Variants in RMND1 observed in about 807,000 individuals in gnomAD.
RMND1 encodes required for meiotic nuclear division 1 homolog, also known as required for meiotic nuclear division protein 1 homolog.
In RMND1, 41 loss-of-function variants were observed where a neutral mutation model predicts 54.0. The ratio of observed to expected loss-of-function variants is 0.76; its 90% CI spans 0.59 to 0.98. The LOEUF (loss-of-function observed/expected upper bound fraction) is 0.98. Ranked by LOEUF, RMND1 falls within the 50% of genes least tolerant of loss-of-function variation. RMND1 has a pLI of 0.00. For synonymous variants in RMND1, 183 were observed against 181.7 expected, an observed-to-expected ratio of 1.01 and a Z score of -0.06; for missense variants, 457 against 532.0, an observed-to-expected ratio of 0.86 and a Z score of 1.39.
chr6:151,436,767 C>T, intron 2 of RMND1: 1 of 437,540 alleles, frequency 2.3e-6, no homozygotes, highest in Non-Finnish European at 4.1e-6. Flanking sequence ...GAACTTGCTC[C>T]CTCCCGCCAG....
rs189450854 is a variant in RMND1, at chr6:151,406,731, A to G, written c.1201-895T>C. On this transcript the variant is annotated intron_variant, in intron 10 of 11. Coordinates refer to ENST00000444024, the MANE Select transcript of RMND1 (RefSeq NM_017909.4). Reference sequence around the variant, plus strand: ...GAAATCCTGAAAGCAAAATTTTAAAACAGTTTGTCTCATGGGTATGCTGAA... The same window carrying G: ...GAAATCCTGAAAGCAAAATTTTAAAGCAGTTTGTCTCATGGGTATGCTGAA... 3.3e-4 allele frequency among the ~76,000 whole-genome samples: 51 copies of G among 152,280 alleles called. 1 individual carries two copies. The highest frequency in any genetic ancestry group is 7.2e-4 in the Non-Finnish European group (49 of 68,022).
At chr6:151,436,261 G>C in intron 3 of RMND1, 185 bp downstream of exon 3, 1 of 615,070 alleles carries the variant, frequency 1.6e-6, no homozygotes, top group Non-Finnish European at 2.7e-6. Context: ...ATTTTAATGA[G>C]TTCTCTGTAA....
chr6:151,422,118 C>A (rs558229112), intron 8 of RMND1, among the ~76,000 whole-genome samples: 47 of 152,258 alleles, frequency 3.1e-4, no homozygotes, highest in African/African-American at 1.1e-3. Flanking sequence ...TGTTGTTGTA[C>A]TCCTAAACAA....
intron 6 of RMND1, among the ~76,000 whole-genome samples, chr6:151,424,890 G>GAGAGGCA (rs1359546317): frequency 7.1e-6 from 1 of 141,196 alleles, no homozygotes; most frequent in African/African-American, 2.7e-5. Context: ...GATGGAGGGC[G>GAGAGGCA]GCATCTGCTA....
intron 1 of RMND1, among the ~76,000 whole-genome samples, chr6:151,447,907 C>A (rs945003301): frequency 1.3e-5 from 2 of 150,718 alleles, no homozygotes; most frequent in Non-Finnish European, 3.0e-5. Flanking sequence ...TCCGCCTCCC[C>A]GGTTCAAGCG....
chr6:151,405,668 G>T, intron 11 of RMND1, 52 bp downstream of exon 11: 2 of 891,112 alleles, frequency 2.2e-6, no homozygotes, highest in Non-Finnish European at 3.7e-6. Flanking sequence ...CATAGCCCCT[G>T]TATTTGTGAA....
chr6:151,443,138 C>T (rs763217199), intron 2 of RMND1, among the ~76,000 whole-genome samples: 1 of 152,126 alleles, frequency 6.6e-6, no homozygotes, highest in Non-Finnish European at 1.5e-5. Context: ...GGGTTTACCA[C>T]TATGATGGCC....
chr6:151,415,948 T>C (rs1470378956), intron 10 of RMND1, among the ~76,000 whole-genome samples: 1 of 151,900 alleles, frequency 6.6e-6, no homozygotes, highest in East Asian at 1.9e-4. Context: ...CAGGGTAGCA[T>C]GAGGAAAAGT....
intron 7 of RMND1, among the ~76,000 whole-genome samples, chr6:151,423,256 A>C (rs1780204711): frequency 6.6e-6 from 1 of 152,186 alleles, no homozygotes; most frequent in Non-Finnish European, 1.5e-5. Context: ...CATAGAGAGA[A>C]GAGAAAAAAA....
intron 3 of RMND1, 147 bp downstream of exon 3, chr6:151,436,299 C>T: frequency 3.7e-6 from 3 of 810,930 alleles, no homozygotes; most frequent in Non-Finnish European, 5.7e-6. Context: ...ACTTTGTCAT[C>T]TTTATAAAGA....
intron 2 of RMND1, among the ~76,000 whole-genome samples, chr6:151,438,120 C>G (rs1780665337): frequency 6.6e-6 from 1 of 152,180 alleles, no homozygotes; most frequent in African/African-American, 2.4e-5. Context: ...GTACAGGGAA[C>G]AGGCACGTGC....
intron 2 of RMND1, 96 bp from the exon 3 acceptor site, chr6:151,436,650 A>G: frequency 2.6e-6 from 3 of 1,166,638 alleles, no homozygotes; most frequent in South Asian, 3.1e-5. Context: ...CTGCAAAGCT[A>G]GAACTCCAGA....
chr6:151,449,230 G>C (rs1230401040), intron 1 of RMND1, among the ~76,000 whole-genome samples: 4 of 151,898 alleles, frequency 2.6e-5, no homozygotes, highest in African/African-American at 7.3e-5. Flanking sequence ...TTAGCTGAGC[G>C]TGGCGGCGGG....
chr6:151,451,886 G>A (rs570764454), intron 1 of RMND1, 130 bp downstream of exon 1: 3 of 152,256 alleles, frequency 2.0e-5, no homozygotes, highest in Non-Finnish European at 4.4e-5. Context: ...CAAAGATCAC[G>A]GTAAGAGGCA....
chr6:151,415,203 G>A (rs1290671110), intron 10 of RMND1, among the ~76,000 whole-genome samples: 8 of 151,952 alleles, frequency 5.3e-5, no homozygotes, highest in Non-Finnish European at 1.2e-4. Context: ...ATCTGATGAA[G>A]TTTTCTATGT....
chr6:151,415,746 T>C (rs1243483187), intron 10 of RMND1, among the ~76,000 whole-genome samples: 1 of 144,840 alleles, frequency 6.9e-6, no homozygotes, highest in African/African-American at 2.6e-5. Context: ...TGAGCCAAGA[T>C]TGAGCCACTG....
At chr6:151,438,781 A>C (rs560911213) in intron 2 of RMND1, among the ~76,000 whole-genome samples, 12 of 151,234 alleles carry the variant, frequency 7.9e-5, no homozygotes, top group Non-Finnish European at 1.5e-4. Context: ...CATCTGCACT[A>C]AGAATGTGTA....
intron 1 of RMND1, among the ~76,000 whole-genome samples, chr6:151,450,658 G>A (rs536849728): frequency 1.3e-5 from 2 of 151,774 alleles, no homozygotes; most frequent in Middle Eastern, 3.4e-3. Context: ...CTACTGGGAT[G>A]TGAGGAGCCC....
At position 151,448,980 on chromosome 6, in the gene RMND1, G is replaced by A. The variant is rs575529522; in HGVS notation, c.-15+3036C>T. On this transcript the variant is annotated intron_variant, in intron 1 of 11. Transcript: ENST00000444024. ...TAATCCCAGTTACTTGGGAGGCTGAGGCACGAGAATGGCTTGAATCTGGGA... is the reference window on the plus strand; with the variant it reads ...TAATCCCAGTTACTTGGGAGGCTGAAGCACGAGAATGGCTTGAATCTGGGA... Among the ~76,000 whole-genome samples the A allele has an allele frequency of 8.8e-5, 13 of 147,544 alleles. 1 individual carries two copies. The East Asian group carries it at 2.7e-3, about 31-fold the overall frequency.
Sources: allele counts gnomAD v4.1 joint callset (sites outside exome capture counted in the v4.1 genomes callset), GRCh38; gene constraint gnomAD v4.1.1; transcripts MANE v1.5; gene names NCBI Gene and HGNC (gene_info 2026-07-23, HGNC 2026-07-21).